Variants in LARGE1 observed in about 807,000 individuals in gnomAD.
LARGE1 encodes LARGE xylosyl- and glucuronyltransferase 1, also known as xylosyl- and glucuronyltransferase LARGE1.
LARGE1 carries 43 observed loss-of-function variants against 87.6 expected under a neutral mutation model. The ratio of observed to expected loss-of-function variants is 0.49; its 90% CI spans 0.38 to 0.63. The LOEUF is 0.63. LARGE1 is among the 30% of genes least tolerant of loss of function. The pLI is 0.00. For synonymous variants in LARGE1, 434 were observed against 394.6 expected (o/e 1.10, Z -1.18); for missense variants, 802 against 1,000.2 (o/e 0.80, Z 2.67).
chr22:33,878,415 C>A (rs540163121), intron 1 of LARGE1, among the ~76,000 whole-genome samples: 5 of 152,136 alleles, frequency 3.3e-5, no homozygotes, highest in South Asian at 2.1e-4. Context: ...AGGCATGAGC[C>A]ACCATACCCG....
At chr22:33,452,513 C>T (rs2067972226) in intron 6 of LARGE1, among the ~76,000 whole-genome samples, 2 of 152,224 alleles carry the variant, frequency 1.3e-5, no homozygotes, top group South Asian at 4.1e-4. Context: ...CATAAAGAGG[C>T]TGTTGTCACA....
intron 9 of LARGE1, among the ~76,000 whole-genome samples, chr22:33,370,076 GC>G (rs894136494): frequency 6.6e-6 from 1 of 152,158 alleles, no homozygotes. Flanking sequence ...GGATGCTAGA[GC>G]AGTTAACTAA....
intron 2 of LARGE1, among the ~76,000 whole-genome samples, chr22:33,665,795 G>GGCAGGAGAATGGTGTGAAC (rs2081250882): frequency 6.6e-6 from 1 of 152,084 alleles, no homozygotes; most frequent in Non-Finnish European, 1.5e-5. Context: ...AGGAGGCTGA[G>GGCAGGAGAATGGTGTGAAC]GCAGGAGAAT....
At chr22:33,809,337 T>G (rs2086418841) in intron 1 of LARGE1, among the ~76,000 whole-genome samples, 1 of 152,076 alleles carries the variant, frequency 6.6e-6, no homozygotes, top group South Asian at 2.1e-4. Context: ...TAGATGGAGC[T>G]ACCATTTATA....
At chr22:33,096,595 C>T in the LARGE1 span, among the ~76,000 whole-genome samples, 1 of 144,148 alleles carries the variant, frequency 6.9e-6, no homozygotes, top group East Asian at 2.0e-4. Context: ...GACAGAGTCT[C>T]GCTCTGTCAC....
chr22:33,762,831 A>C (rs1253716544), intron 1 of LARGE1, among the ~76,000 whole-genome samples: 1 of 152,104 alleles, frequency 6.6e-6, no homozygotes, highest in East Asian at 1.9e-4. Context: ...ATCTCTACCC[A>C]CCTCCTGACA....
intron 2 of LARGE1, among the ~76,000 whole-genome samples, chr22:33,663,036 A>G (rs955612407): frequency 2.0e-5 from 3 of 150,764 alleles, no homozygotes; most frequent in Admixed American, 6.5e-5. Flanking sequence ...AAAAGAAATA[A>G]GAGGAGGAAA....
In LARGE1 at chr22:33,343,906, T is replaced by C. The variant is rs534313162; in HGVS notation, c.1132-6105A>G. On this transcript the variant is annotated intron_variant, in intron 9 of 14. Coordinates refer to ENST00000397394, the MANE Select transcript of LARGE1 (RefSeq NM_133642.5). ...CTTACACGATCACAAGGTCCCACAA[T>C]AGGCTGTCTGCAAGCTGAGGAGCAA... Among the ~76,000 whole-genome samples, 334 of 152,272 alleles carry C rather than the reference T, an allele frequency of 2.2e-3. 4 individuals carry two copies. Among genetic ancestry groups the C allele is most frequent in the African/African-American group, 7.7e-3 (321 of 41,554 alleles).
At chr22:33,765,800 A>T (rs2145770658) in intron 1 of LARGE1, among the ~76,000 whole-genome samples, 1 of 152,116 alleles carries the variant, frequency 6.6e-6, no homozygotes, top group Middle Eastern at 3.4e-3. Context: ...CATTAATAAT[A>T]TTCAAATAAC....
intron 1 of LARGE1, among the ~76,000 whole-genome samples, chr22:33,883,070 C>T (rs2064744311): frequency 6.6e-6 from 1 of 152,180 alleles, no homozygotes. Flanking sequence ...TAAAGATATG[C>T]TCGGATGCCA....
At chr22:33,259,345 CACAA>C (rs1435325054) in intron 11 of LARGE1, among the ~76,000 whole-genome samples, 6 of 127,930 alleles carry the variant, frequency 4.7e-5, no homozygotes, top group Non-Finnish European at 1.0e-4. Flanking sequence ...CACACACACA[CACAA>C]ACACACACAT....
intron 4 of LARGE1, among the ~76,000 whole-genome samples, chr22:33,619,593 T>C (rs1363544326): frequency 6.6e-6 from 1 of 150,940 alleles, no homozygotes; most frequent in Non-Finnish European, 1.5e-5. Context: ...AAAAGAAGCA[T>C]GATACTAAAA....
chr22:33,382,899 C>T (rs2065203878), intron 8 of LARGE1, among the ~76,000 whole-genome samples: 1 of 152,126 alleles, frequency 6.6e-6, no homozygotes, highest in Non-Finnish European at 1.5e-5. Flanking sequence ...TCATTATACT[C>T]TATCTCATGT....
At chr22:33,662,250 T>C (rs104860) in intron 2 of LARGE1, among the ~76,000 whole-genome samples, 111,716 of 151,968 alleles carry the variant, frequency 0.74, 42,328 homozygotes, top group African/African-American at 0.93. Context: ...ACCACTGCCC[T>C]TGAAATGGTG....
intron 2 of LARGE1, among the ~76,000 whole-genome samples, chr22:33,707,291 T>C (rs2082590948): frequency 6.6e-6 from 1 of 152,260 alleles, no homozygotes; most frequent in Admixed American, 6.5e-5. Context: ...ATCATTTTAC[T>C]GTGAGTCCAT....
At chr22:33,495,624 C>G (rs5754575) in intron 6 of LARGE1, among the ~76,000 whole-genome samples, 85,806 of 151,864 alleles carry the variant, frequency 0.57, 25,050 homozygotes, top group Non-Finnish European at 0.64. Context: ...GAGGCTGAGG[C>G]AGGAGAATTG....
At position 33,695,737 on chromosome 22, in the gene LARGE1, G is replaced by A. The variant is rs145862825; in HGVS notation, c.107-45069C>T. ...AATAATGTTTATGGGTTTTTTCCCC[G>A]CCTTCATGGTAAAAGTTACATATAA... On this transcript the variant is annotated intron_variant, in intron 2 of 14. Coordinates refer to ENST00000397394, the MANE Select transcript of LARGE1 (RefSeq NM_133642.5). Among the ~76,000 whole-genome samples, 721 of 152,034 alleles carry A rather than the reference G, an allele frequency of 4.7e-3. 5 individuals are homozygous for A. Among genetic ancestry groups the A allele is most frequent in the African/African-American group, 0.015 (636 of 41,432 alleles).
exon 12 of LARGE1, chr22:33,162,901 G>T (rs1922082110): frequency 6.6e-6 from 1 of 152,174 alleles, no homozygotes; most frequent in Admixed American, 6.5e-5. Flanking sequence ...TGCTTACAAA[G>T]TTCTTTCATT....
intron 2 of LARGE1, among the ~76,000 whole-genome samples, chr22:33,695,422 T>A (rs931936374): frequency 6.6e-6 from 1 of 152,182 alleles, no homozygotes; most frequent in Non-Finnish European, 1.5e-5. Flanking sequence ...CTGATGCAGA[T>A]GAAGGAAGGT....
Sources: allele counts gnomAD v4.1 joint callset (sites outside exome capture counted in the v4.1 genomes callset), GRCh38; gene constraint gnomAD v4.1.1; transcripts MANE v1.5; gene names NCBI Gene and HGNC (gene_info 2026-07-23, HGNC 2026-07-21).